Variants in SLC2A13 observed in about 807,000 individuals in gnomAD.
The protein encoded by SLC2A13 is solute carrier family 2 member 13.
Under a neutral mutation model 64.4 loss-of-function variants are expected in SLC2A13, and 32 were observed. The observed-to-expected ratio is 0.50, with a 90% CI of 0.37 to 0.67. SLC2A13 has a LOEUF of 0.67. Ranked by LOEUF, SLC2A13 falls within the 30% of genes least tolerant of loss-of-function variation. SLC2A13 has a pLI of 0.00. For synonymous variants in SLC2A13, 338 were observed against 327.1 expected (o/e 1.03, Z -0.36); for missense variants, 743 against 829.2 (o/e 0.90, Z 1.28).
intron 4 of SLC2A13, among the ~76,000 whole-genome samples, chr12:39,909,878 A>G (rs150128907): frequency 1.9e-4 from 29 of 149,594 alleles, no homozygotes; most frequent in Non-Finnish European, 2.5e-4. Context: ...TTTTTTTAAG[A>G]GAGTAAATAA....
intron 4 of SLC2A13, among the ~76,000 whole-genome samples, chr12:39,891,974 G>A (rs999155424): frequency 4.6e-5 from 7 of 151,898 alleles, no homozygotes; most frequent in Admixed American, 2.0e-4. Flanking sequence ...TTATCTGAAC[G>A]ATTTTTTTAC....
chr12:40,077,469 C>A (rs1205483244), intron 1 of SLC2A13, among the ~76,000 whole-genome samples: 1 of 152,050 alleles, frequency 6.6e-6, no homozygotes, highest in African/African-American at 2.4e-5. Flanking sequence ...TGTCAGTGTG[C>A]AGCTTTATTT....
chr12:40,079,511 C>T (rs964887553), intron 1 of SLC2A13, among the ~76,000 whole-genome samples: 5 of 152,154 alleles, frequency 3.3e-5, no homozygotes. Flanking sequence ...TTGAGAATTG[C>T]TTTATGGCCA....
Position 40,048,172 on chromosome 12 carries a change from C to T in SLC2A13, c.595G>A (p.Val199Ile), listed in dbSNP as rs754392923. 1.7e-5 allele frequency: 27 copies of T among 1,613,080 alleles called. No individual in the cohort carries two copies. Among genetic ancestry groups the T allele is most frequent in the Non-Finnish European group, 2.3e-5 (27 of 1,179,648 alleles). Residue 199 changes from valine (V) to isoleucine (I), a missense_variant, in exon 2 of 10, where the codon GTC becomes ATC. By Grantham distance (29) the Val-to-Ile change is conservative. Transcript: ENST00000280871. ...SMTVPVYIAE[V>I]SPPNLRGRLV... ...CGGCCTCTTAAATTGGGTGGTGAGA[C>T]CTCCGCAATGTACACTGGCACTGTC... is the stretch of plus-strand genomic sequence containing the variant.
intron 1 of SLC2A13, among the ~76,000 whole-genome samples, chr12:40,076,435 T>C (rs1592062407): frequency 6.6e-6 from 1 of 152,156 alleles, no homozygotes; most frequent in African/African-American, 2.4e-5. Flanking sequence ...CTTGCATTAA[T>C]TCACATTGGA....
At chr12:39,924,761 G>T (rs1279553290) in intron 4 of SLC2A13, among the ~76,000 whole-genome samples, 1 of 151,990 alleles carries the variant, frequency 6.6e-6, no homozygotes, top group African/African-American at 2.4e-5. Flanking sequence ...AGAGAAAAAA[G>T]TTTGGCAATG....
At chr12:39,967,862 T>C (rs1429396718) in intron 3 of SLC2A13, among the ~76,000 whole-genome samples, 1 of 152,096 alleles carries the variant, frequency 6.6e-6, no homozygotes, top group Non-Finnish European at 1.5e-5. Flanking sequence ...AGCAAAGAAC[T>C]GACATATTTA....
chr12:39,984,231 A>G (rs1478019206), intron 3 of SLC2A13, among the ~76,000 whole-genome samples: 1 of 151,958 alleles, frequency 6.6e-6, no homozygotes, highest in African/African-American at 2.4e-5. Context: ...CTAATGCTAG[A>G]TGACGAGTTA....
chr12:39,863,106 G>A (rs923612032), intron 6 of SLC2A13, among the ~76,000 whole-genome samples: 6 of 152,002 alleles, frequency 3.9e-5, no homozygotes, highest in Admixed American at 1.3e-4. Context: ...CTAAAATTTG[G>A]TTCTATCTTC....
At chr12:40,036,021 C>A (rs969067829) in intron 2 of SLC2A13, among the ~76,000 whole-genome samples, 2 of 151,924 alleles carry the variant, frequency 1.3e-5, no homozygotes, top group African/African-American at 4.8e-5. Context: ...CCTTTTTTCC[C>A]CCCAAACTCT....
At chr12:39,971,997 A>AAAAAAATAT (rs1375405006) in intron 3 of SLC2A13, among the ~76,000 whole-genome samples, 2 of 77,380 alleles carry the variant, frequency 2.6e-5, no homozygotes, top group Non-Finnish European at 5.0e-5. Context: ...AAAAAAAAAA[A>AAAAAAATAT]ATATATATAT....
At chr12:40,028,595 CAAT>C in intron 2 of SLC2A13, 86 bp from the exon 3 acceptor site, 5 of 1,281,434 alleles carry the variant, frequency 3.9e-6, no homozygotes, top group Non-Finnish European at 4.3e-6. Context: ...GTGTTGACAA[CAAT>C]AATACTTACT....
chr12:40,043,993 G>A (rs1327319507), intron 2 of SLC2A13, among the ~76,000 whole-genome samples: 1 of 152,266 alleles, frequency 6.6e-6, no homozygotes, highest in Middle Eastern at 3.4e-3. Flanking sequence ...ACAGATAGGT[G>A]TATATCCAAG....
chr12:39,928,485 GCA>G (rs1945766871), intron 4 of SLC2A13, among the ~76,000 whole-genome samples: 1 of 152,096 alleles, frequency 6.6e-6, no homozygotes, highest in African/African-American at 2.4e-5. Flanking sequence ...ATGCTCTACT[GCA>G]CAGAGTTAAA....
intron 1 of SLC2A13, among the ~76,000 whole-genome samples, chr12:40,056,086 A>G (rs1948329689): frequency 6.6e-6 from 1 of 151,898 alleles, no homozygotes; most frequent in Admixed American, 6.6e-5. Context: ...TGGCACCCTT[A>G]TAGTACAAAA....
chr12:40,028,988 TTTG>T (rs1367566107), intron 2 of SLC2A13, among the ~76,000 whole-genome samples: 1 of 152,216 alleles, frequency 6.6e-6, no homozygotes, highest in African/African-American at 2.4e-5. Context: ...TAGTTATAAT[TTTG>T]TTGTTACAAT....
intron 7 of SLC2A13, among the ~76,000 whole-genome samples, chr12:39,766,421 A>G (rs1940350942): frequency 6.6e-6 from 1 of 152,092 alleles, no homozygotes; most frequent in Non-Finnish European, 1.5e-5. Flanking sequence ...AAAAAATGCT[A>G]ACGATCATCT....
At chr12:39,802,732 C>G (rs1056787756) in intron 7 of SLC2A13, among the ~76,000 whole-genome samples, 9 of 151,760 alleles carry the variant, frequency 5.9e-5, no homozygotes, top group African/African-American at 2.2e-4. Context: ...TATAAAGATA[C>G]AGAGATAAAG....
rs1047974298 is a variant in SLC2A13 at position 39,962,770 on chromosome 12, T to C, written c.926-11405A>G. ...TACAACCATAATCAGTGTTGAATAGTACAATTTCTCCAAATCAGGGAAACT... is the reference window on the plus strand; with the variant it reads ...TACAACCATAATCAGTGTTGAATAGCACAATTTCTCCAAATCAGGGAAACT... On this transcript the variant is annotated intron_variant, in intron 3 of 9. Transcript: ENST00000280871. Among the ~76,000 whole-genome samples the C allele has an allele frequency of 6.6e-5, 10 of 152,320 alleles. No individual in the cohort carries two copies. The South Asian group carries it at 1.9e-3, about 28-fold the overall frequency.
Sources: gnomAD v4.1 joint callset for allele counts (sites outside exome capture counted in the v4.1 genomes callset) on GRCh38, gnomAD v4.1.1 for gene constraint, MANE v1.5 for transcripts, NCBI Gene and HGNC (gene_info 2026-07-23, HGNC 2026-07-21) for gene names.